Variants in SEL1L3 observed in about 807,000 individuals in gnomAD.
SEL1L3 encodes the protein protein sel-1 homolog 3.
SEL1L3 carries 76 observed loss-of-function variants against 142.8 expected under a neutral mutation model. That is an observed-to-expected ratio of 0.53 (90% CI 0.44 to 0.64). The LOEUF is 0.64. Ranked by LOEUF, SEL1L3 falls within the 30% of genes least tolerant of loss-of-function variation. The probability of loss-of-function intolerance (pLI) is 0.00; values close to 1 mark genes in which losing one functional copy is unlikely to be tolerated. For synonymous variants in SEL1L3, 504 were observed against 519.6 expected (o/e 0.97, Z 0.41); for missense variants, 1,262 against 1,381.7 (o/e 0.91, Z 1.37).
chr4:25,852,909 G>A (rs1717000479), intron 1 of SEL1L3, among the ~76,000 whole-genome samples: 1 of 152,098 alleles, frequency 6.6e-6, no homozygotes, highest in South Asian at 2.1e-4. Context: ...GAATGCCAGG[G>A]TAATGACCAT....
chr4:25,788,282 C>T lies in SEL1L3; in HGVS notation c.2159G>A (p.Gly720Asp). 6.2e-7 allele frequency: 1 copy of T among 1,613,928 alleles called. No homozygotes were observed. The highest frequency in any genetic ancestry group is 8.5e-7 in the Non-Finnish European group (1 of 1,179,876). The change falls in exon 13 of 24, where the codon GGC becomes GAC. Residue 720 changes from glycine to aspartate, a missense_variant. This residue lies in a region of SEL1L3 where 435 missense variants were observed against 559.2 expected (regional missense o/e 0.78). Coordinates refer to ENST00000399878, the MANE Select transcript of SEL1L3 (RefSeq NM_015187.5). The surrounding 1 kb of genome is among the most constrained non-coding windows in gnomAD (Gnocchi z 5.3). ...PEAAIEWYAK[G>D]ALETEDPALI... is the part of the protein sequence containing the mutation. ...CGCAGGATCCTCCGTCTCCAGGGCG[C>T]CCTTGGCGTACCACTCAATTGCTGC...
chr4:25,835,350 C>A (rs1427546756), intron 2 of SEL1L3, 27 bp from the exon 3 acceptor site: 1 of 1,609,648 alleles, frequency 6.2e-7, no homozygotes, highest in South Asian at 1.1e-5. Context: ...GGCTCCCTTT[C>A]AATTATATCC....
intron 13 of SEL1L3, among the ~76,000 whole-genome samples, chr4:25,785,462 C>T (rs941315597): frequency 2.0e-5 from 3 of 152,196 alleles, no homozygotes; most frequent in African/African-American, 7.2e-5. Flanking sequence ...CAGTTCATAA[C>T]CTCCTTGTAG....
chr4:25,750,221 C>T (rs937961897), intron 23 of SEL1L3, among the ~76,000 whole-genome samples: 8 of 129,188 alleles, frequency 6.2e-5, no homozygotes, highest in Admixed American at 3.6e-4. Context: ...GGCGACAGAG[C>T]GAGACTCCAT....
intron 16 of SEL1L3, chr4:25,776,591 C>T: frequency 2.1e-6 from 1 of 476,200 alleles, no homozygotes; most frequent in Non-Finnish European, 3.8e-6. Context: ...GAAACAAAGA[C>T]ATGTAAGATA....
At position 25,802,393 on chromosome 4, in the gene SEL1L3, G is replaced by A; in HGVS notation, c.1846C>T (p.His616Tyr). The A allele has an allele frequency of 6.2e-7, 1 of 1,613,840 alleles. No homozygotes were observed. Among genetic ancestry groups the A allele is most frequent in the Non-Finnish European group, 8.5e-7 (1 of 1,179,802 alleles). Reference protein sequence around the residue: ...RLSSMNLGYKHYQGIDNYPLD... With the variant: ...RLSSMNLGYKYYQGIDNYPLD... ...GGGTAGTTGTCAATACCCTGGTAGT[G>A]TTTATACCCAAGATTCATTGAAGAC... The change falls in exon 11 of 24, where the codon CAC becomes TAC. Residue 616 changes from histidine to tyrosine, a missense_variant. Coordinates refer to ENST00000399878, the MANE Select transcript of SEL1L3 (RefSeq NM_015187.5).
At chr4:25,722,059 G>A in the SEL1L3 span, among the ~76,000 whole-genome samples, 1 of 152,242 alleles carries the variant, frequency 6.6e-6, no homozygotes, top group African/African-American at 2.4e-5. Flanking sequence ...GTGCACACGA[G>A]TTTACAGGAA....
chr4:25,813,006 T>C (rs1177713699), intron 9 of SEL1L3, among the ~76,000 whole-genome samples: 1 of 152,188 alleles, frequency 6.6e-6, no homozygotes, highest in Non-Finnish European at 1.5e-5. Flanking sequence ...AGCCAGATTC[T>C]GTCTCAAAAA....
downstream of SEL1L3, among the ~76,000 whole-genome samples, chr4:25,745,998 T>A (rs1480178476): frequency 6.6e-6 from 1 of 152,196 alleles, no homozygotes; most frequent in Non-Finnish European, 1.5e-5. Flanking sequence ...CTACCATATT[T>A]AGGACCTGAT....
chr4:25,811,762 T>TG lies in SEL1L3; in HGVS notation c.1564+6375_1564+6376insC, dbSNP rs1359202417. ...TTTCTTTTCCTGTTTTTTTTTTTTT[T>TG]TTTTGTTGTTGTTGTTGTTAGTAGC... On this transcript the variant is annotated intron_variant, in intron 9 of 23. Coordinates refer to ENST00000399878, the MANE Select transcript of SEL1L3 (RefSeq NM_015187.5). 6.2e-3 allele frequency among the ~76,000 whole-genome samples: 920 copies of TG among 148,268 alleles called. 11 individuals carry two copies. Among genetic ancestry groups the TG allele is most frequent in the African/African-American group, 0.022 (859 of 38,562 alleles).
At chr4:25,768,931 C>A (rs1718959045) in intron 17 of SEL1L3, among the ~76,000 whole-genome samples, 2 of 151,776 alleles carry the variant, frequency 1.3e-5, no homozygotes, top group African/African-American at 4.8e-5. Flanking sequence ...AAAAAAAACC[C>A]TAAAAATTAT....
rs553345156 is a variant in SEL1L3 at position 25,814,862 on chromosome 4, G to A, written c.1564+3276C>T. ...CATAAGACACCAGTCTTTCTCCCAG[G>A]GTTGCTGGAAGATGTTATGATAGCC... On this transcript the variant is annotated intron_variant, in intron 9 of 23. Transcript: ENST00000399878. 2.8e-4 allele frequency among the ~76,000 whole-genome samples: 42 copies of A among 151,970 alleles called. No individual in the cohort carries two copies. The South Asian group carries it at 8.5e-3, about 31-fold the overall frequency.
At chr4:25,824,755 T>C (rs1007187962) in intron 6 of SEL1L3, among the ~76,000 whole-genome samples, 7 of 152,236 alleles carry the variant, frequency 4.6e-5, no homozygotes, top group African/African-American at 1.7e-4. Flanking sequence ...ATTGTAATCA[T>C]ACCATTTACT....
chr4:25,737,142 G>A, the SEL1L3 span, among the ~76,000 whole-genome samples: 7 of 151,940 alleles, frequency 4.6e-5, no homozygotes, highest in African/African-American at 1.2e-4. Context: ...ACGCCACCAC[G>A]CTCAGCTAAT....
intron 1 of SEL1L3, among the ~76,000 whole-genome samples, chr4:25,851,629 G>A (rs1295855213): frequency 2.6e-5 from 4 of 151,922 alleles, no homozygotes; most frequent in African/African-American, 9.7e-5. Flanking sequence ...GGTGGATCAC[G>A]CCTGTAATCC....
intron 2 of SEL1L3, among the ~76,000 whole-genome samples, chr4:25,839,332 G>A (rs1716026811): frequency 6.6e-6 from 1 of 152,190 alleles, no homozygotes; most frequent in Non-Finnish European, 1.5e-5. Flanking sequence ...AATAAAACCA[G>A]TTCTACTCCT....
chr4:25,811,199 C>T (rs1343773106), intron 9 of SEL1L3, among the ~76,000 whole-genome samples: 3 of 152,264 alleles, frequency 2.0e-5, no homozygotes, highest in African/African-American at 7.2e-5. Flanking sequence ...ATCTCAGCAA[C>T]TAGATTACAG....
At chr4:25,741,257 C>T in the SEL1L3 span, among the ~76,000 whole-genome samples, 5 of 151,972 alleles carry the variant, frequency 3.3e-5, no homozygotes, top group African/African-American at 1.2e-4. Flanking sequence ...GCAGCCACCA[C>T]CACACCCAGC....
At chr4:25,771,103 C>T (rs1350548021) in intron 17 of SEL1L3, among the ~76,000 whole-genome samples, 1 of 152,264 alleles carries the variant, frequency 6.6e-6, no homozygotes, top group African/African-American at 2.4e-5. Flanking sequence ...TCAACAGACG[C>T]TATCTGAAAG....
Sources: allele counts gnomAD v4.1 joint callset (sites outside exome capture counted in the v4.1 genomes callset), GRCh38; gene constraint gnomAD v4.1.1; regional missense constraint gnomAD v4.1.1; non-coding constraint Gnocchi (gnomAD v3.1); transcripts MANE v1.5; gene names NCBI Gene and HGNC (gene_info 2026-07-23, HGNC 2026-07-21).